CEP44: variants seen among roughly 807,000 people sequenced by gnomAD.
CEP44 encodes the protein centrosomal protein of 44 kDa.
In CEP44, 45 loss-of-function variants were observed where a neutral mutation model predicts 46.7. The observed-to-expected ratio is 0.96, with a 90% CI of 0.76 to 1.24. CEP44 has a LOEUF of 1.24. Ranked by LOEUF, CEP44 falls within the 50% of genes most tolerant of loss-of-function variation. CEP44 has a pLI of 0.00. For synonymous variants in CEP44, 142 were observed against 146.0 expected (o/e 0.97, Z 0.20); for missense variants, 475 against 459.7 (o/e 1.03, Z -0.30).
At chr4:174,320,830 C>T (rs184961894), downstream of CEP44, among the ~76,000 whole-genome samples, 15 of 151,874 alleles carry the variant, frequency 9.9e-5, no homozygotes, top group African/African-American at 2.2e-4. Context: ...TTTATTTTAC[C>T]GCTTTAATAT....
rs1025556209 is a variant in CEP44, at chr4:174,311,382, A to G, written c.961+524A>G. Among the ~76,000 whole-genome samples, 1 of 152,014 alleles carries G rather than the reference A, an allele frequency of 6.6e-6. No homozygotes were observed. The highest frequency in any genetic ancestry group is 1.5e-5 in the Non-Finnish European group (1 of 67,930). On this transcript the variant is annotated intron_variant, in intron 9 of 11. Coordinates refer to ENST00000503780, the MANE Select transcript of CEP44 (RefSeq NM_001040157.3). The surrounding 1 kb of genome is among the most constrained non-coding windows in gnomAD (Gnocchi z 4.4). ...TTTTGCTTAGTGTGACTGAGCAGCA[A>G]GGGTAAGATTTCTGTTTTTCAGTGA... is the stretch of plus-strand genomic sequence containing the variant.
At position 174,318,403 on chromosome 4, in the gene CEP44, T is replaced by C; in HGVS notation, c.*1020T>C. 3.0e-6 allele frequency: 3 copies of C among 985,200 alleles called. No homozygotes were observed. The highest frequency in any genetic ancestry group is 1.1e-4 in the East Asian group (1 of 8,806). The allele number at this position is 985,200 out of a possible 1,614,324, so 61.0% of individuals were successfully genotyped here. A position where few individuals can be genotyped will look rare whatever the true frequency, so the allele number is the denominator to read the frequency against. On this transcript the variant is annotated 3_prime_UTR_variant, in exon 12 of 12. Transcript: ENST00000503780. ...CCGTTAAAAGATACACAGTGAGGTG[T>C]TGTGTTTTGTTTTTTTAATGATGAA...
At chr4:174,316,648 G>C in intron 11 of CEP44, 81 bp downstream of exon 11, 2 of 1,318,962 alleles carry the variant, frequency 1.5e-6, no homozygotes, top group Non-Finnish European at 2.1e-6. Context: ...GAATGTGCAT[G>C]TGTGTTTCAA....
intron 1 of CEP44, among the ~76,000 whole-genome samples, chr4:174,292,405 C>A (rs1257411744): frequency 6.6e-6 from 1 of 152,118 alleles, no homozygotes; most frequent in Non-Finnish European, 1.5e-5. Context: ...CATTTTCCTC[C>A]CTAGATTTGG....
At chr4:174,328,304 A>G (rs778890374) in intron 8 of CEP44, among the ~76,000 whole-genome samples, 5 of 152,228 alleles carry the variant, frequency 3.3e-5, no homozygotes, top group Non-Finnish European at 7.3e-5. Flanking sequence ...GGAAGAGGAT[A>G]TTGCTGTTTT....
Position 174,310,199 on chromosome 4 carries a change from T to G in CEP44, c.885+143T>G, listed in dbSNP as rs1740919772. On this transcript the variant is annotated intron_variant, in intron 8 of 11. Transcript: ENST00000503780. The surrounding 1 kb of genome is among the most constrained non-coding windows in gnomAD (Gnocchi z 4.2). ...ATGTCTAGTTAGAATGAAGTCCTGT[T>G]TAAATATAGCCTGTATGTTGTTGTG... 1.4e-6 allele frequency: 1 copy of G among 733,390 alleles called. No homozygotes were observed. Among genetic ancestry groups the G allele is most frequent in the African/African-American group, 1.8e-5 (1 of 56,040 alleles). 45.4% of individuals were successfully genotyped at this position (733,390 alleles called of 1,614,324 possible).
chr4:174,304,111 G>A, intron 5 of CEP44, 136 bp from the exon 6 acceptor site: 1 of 1,099,580 alleles, frequency 9.1e-7, no homozygotes, highest in Non-Finnish European at 1.2e-6. Context: ...GTTTTTAAAA[G>A]TCATGTAGTC....
rs1741199486 is a variant in CEP44, at chr4:174,312,506, G to C, written c.961+1648G>C. Among the ~76,000 whole-genome samples the C allele has an allele frequency of 6.6e-6, 1 of 152,010 alleles. No individual in the cohort carries two copies. The highest frequency in any genetic ancestry group is 2.4e-5 in the African/African-American group (1 of 41,382). On this transcript the variant is annotated intron_variant, in intron 9 of 11. Coordinates refer to ENST00000503780, the MANE Select transcript of CEP44 (RefSeq NM_001040157.3). The surrounding 1 kb of genome is among the most constrained non-coding windows in gnomAD (Gnocchi z 4.5). Reference sequence around the variant, plus strand: ...TTTTAGTAAAACAAGGTCTTGCTATGTTGCTCAGGCTGGTCTTGAACTCCT... The same window carrying C: ...TTTTAGTAAAACAAGGTCTTGCTATCTTGCTCAGGCTGGTCTTGAACTCCT...
chr4:174,309,947 A>G lies in CEP44; in HGVS notation c.776A>G (p.Asp259Gly), dbSNP rs1361354417. 1 of 1,612,818 alleles carries G rather than the reference A, an allele frequency of 6.2e-7. No individual in the cohort carries two copies. The change falls in exon 8 of 12, where the codon GAC becomes GGC. Residue 259 changes from aspartate to glycine, a missense_variant. By Grantham distance (94) the Asp-to-Gly change is moderately conservative. Transcript: ENST00000503780. This position sits in a 1 kb window ranked among gnomAD's most constrained non-coding sequence, Gnocchi z 5.3. ...KKLTSIEKRL[D>G]CLEQKMKGKV... is the part of the protein sequence containing the mutation. ...CTGACTTCGATAGAGAAAAGGTTAGACTGTTTGGAACAAAAAATGAAAGGA... is the reference window on the plus strand; with the variant it reads ...CTGACTTCGATAGAGAAAAGGTTAGGCTGTTTGGAACAAAAAATGAAAGGA...
rs969404185 is a variant in CEP44 at position 174,290,175 on chromosome 4, T to G, written c.-148+6232T>G. Among the ~76,000 whole-genome samples the G allele has an allele frequency of 4.6e-5, 7 of 152,124 alleles. No individual in the cohort carries two copies. The highest frequency in any genetic ancestry group is 1.2e-4 in the African/African-American group (5 of 41,444). On this transcript the variant is annotated intron_variant, in intron 1 of 11. Transcript: ENST00000503780. The surrounding 1 kb of genome is among the most constrained non-coding windows in gnomAD (Gnocchi z 4.3). ...TGCCTCTTTCTTCTTCTTAATGAAT[T>G]TATTGCTATAAACACTTCTCTTATT...
rs1742707258 is a variant in CEP44, at chr4:174,326,945, C to G, written c.1087-4537C>G. ...TTGCTACATTTGAGATTTCTCATTACCACTGATTTTCAGCAATTAGAAGAG... is the reference window on the plus strand; with the variant it reads ...TTGCTACATTTGAGATTTCTCATTAGCACTGATTTTCAGCAATTAGAAGAG... On this transcript the variant is annotated intron_variant, in intron 8 of 8. Transcript: ENST00000426172. This position sits in a 1 kb window ranked among gnomAD's most constrained non-coding sequence, Gnocchi z 4.8. 2.6e-5 allele frequency among the ~76,000 whole-genome samples: 4 copies of G among 151,456 alleles called. No individual in the cohort carries two copies. The South Asian group carries it at 8.3e-4, about 32-fold the overall frequency.
chr4:174,304,127 A>T, intron 5 of CEP44, 120 bp from the exon 6 acceptor site: 1 of 1,183,308 alleles, frequency 8.5e-7, no homozygotes, highest in Non-Finnish European at 1.2e-6. Flanking sequence ...TAGTCTCATT[A>T]GAGTCTCATT....
chr4:174,315,798 G>A (rs1579151286), intron 9 of CEP44, among the ~76,000 whole-genome samples: 3 of 142,424 alleles, frequency 2.1e-5, no homozygotes, highest in Non-Finnish European at 4.5e-5. Context: ...CCGAGATCGC[G>A]CCACTGCACT....
intron 1 of CEP44, among the ~76,000 whole-genome samples, chr4:174,294,676 A>AC (rs1381841479): frequency 7.4e-5 from 10 of 134,810 alleles, no homozygotes; most frequent in African/African-American, 1.1e-4. Context: ...CGGGGGGCTG[A>AC]CCCCCCTACC....
chr4:174,316,342 A>C (rs777057157), intron 10 of CEP44, 52 bp downstream of exon 10: 2 of 1,557,304 alleles, frequency 1.3e-6, no homozygotes, highest in South Asian at 2.3e-5. Context: ...ACAAGCAAGC[A>C]TTAGCTTTTG....
chr4:174,315,344 G>A (rs186472118), intron 9 of CEP44, among the ~76,000 whole-genome samples: 1 of 151,784 alleles, frequency 6.6e-6, no homozygotes, highest in Admixed American at 6.6e-5. Flanking sequence ...ATTTTTGTAG[G>A]GGAGATGCCA....
At position 174,319,413 on chromosome 4, in the gene CEP44, T is replaced by G. The variant is rs547279670; in HGVS notation, c.*2030T>G. The G allele has an allele frequency of 1.5e-5, 15 of 984,074 alleles. No individual in the cohort carries two copies. The Middle Eastern group carries it at 1.6e-3, about 103-fold the overall frequency. 61.0% of individuals were successfully genotyped at this position (984,074 alleles called of 1,614,324 possible). ...TTTACCTTTTGTTAAAACAAGTGAT[T>G]TCCCATCAAACAGGATAATATTTTT... On this transcript the variant is annotated 3_prime_UTR_variant, in exon 12 of 12. Coordinates refer to ENST00000503780, the MANE Select transcript of CEP44 (RefSeq NM_001040157.3).
chr4:174,308,302 A>C (rs1740673063), intron 6 of CEP44, among the ~76,000 whole-genome samples: 1 of 152,202 alleles, frequency 6.6e-6, no homozygotes, highest in African/African-American at 2.4e-5. Flanking sequence ...AGCCGTAAAA[A>C]ATAATGGGAT....
intron 4 of CEP44, among the ~76,000 whole-genome samples, chr4:174,302,798 T>C (rs78386812): frequency 6.6e-6 from 1 of 151,826 alleles, no homozygotes; most frequent in Non-Finnish European, 1.5e-5. Flanking sequence ...TTTTTTTTTT[T>C]TGAGACAGAG....
Sources: gnomAD v4.1 joint callset for allele counts (sites outside exome capture counted in the v4.1 genomes callset) on GRCh38, gnomAD v4.1.1 for gene constraint, Gnocchi (gnomAD v3.1) non-coding constraint, MANE v1.5 for transcripts, NCBI Gene and HGNC (gene_info 2026-07-23, HGNC 2026-07-21) for gene names.